The following THTPA variants were observed in gnomAD, a reference collection of about 807,000 sequenced individuals.
THTPA encodes thiamine triphosphatase, also known as thiamine-triphosphatase.
In THTPA, 16 loss-of-function variants were observed where a neutral mutation model predicts 16.5. The ratio of observed to expected loss-of-function variants is 0.97; its 90% CI spans 0.66 to 1.47. The LOEUF is 1.47. Among genes scored for constraint, THTPA ranks in the 40% most tolerant of loss-of-function variants. The pLI is 0.00. For missense variants in THTPA, 281 were observed against 280.9 expected, an observed-to-expected ratio of 1.00 and a Z score of 0.00; for synonymous variants, 110 against 115.5, an observed-to-expected ratio of 0.95 and a Z score of 0.30.
At chr14:23,535,744 C>T in the THTPA span, among the ~76,000 whole-genome samples, 1 of 152,056 alleles carries the variant, frequency 6.6e-6, no homozygotes, top group Non-Finnish European at 1.5e-5. This position sits in a 1 kb window ranked among gnomAD's most constrained non-coding sequence, Gnocchi z 4.5. Context: ...AGGCTTGTGC[C>T]ACCACACCTG....
upstream of THTPA, chr14:23,556,130 C>A (rs1882347215): frequency 6.6e-6 from 1 of 152,560 alleles, no homozygotes; most frequent in African/African-American, 2.4e-5. Flanking sequence ...GGGGTCGCGG[C>A]CTCCCATTAC....
chr14:23,526,015 C>T, the THTPA span: 5 of 1,534,906 alleles, frequency 3.3e-6, 1 homozygote, highest in South Asian at 6.0e-5. Flanking sequence ...TGTCAGGGCC[C>T]TTCTTCTCAG....
chr14:23,522,879 C>T, the THTPA span: 4 of 1,503,714 alleles, frequency 2.7e-6, no homozygotes, highest in South Asian at 1.3e-5. Context: ...GCAGTCTGGA[C>T]CACTGTGGTG....
chr14:23,524,628 C>T, the THTPA span: 11 of 1,536,380 alleles, frequency 7.2e-6, no homozygotes, highest in South Asian at 1.1e-4. This position sits in a 1 kb window ranked among gnomAD's most constrained non-coding sequence, Gnocchi z 5.6. Flanking sequence ...GCACACTGGT[C>T]ACAGGTATGG....
chr14:23,556,833 G>C lies in THTPA; in HGVS notation c.76G>C (p.Gly26Arg), dbSNP rs758679374. 45 of 1,613,216 alleles carry C rather than the reference G, an allele frequency of 2.8e-5. No homozygotes were observed. Among genetic ancestry groups the C allele is most frequent in the Middle Eastern group, 3.3e-4 (2 of 6,080 alleles). The change falls in exon 1 of 2, where the codon GGG becomes CGG. Residue 26 changes from glycine to arginine, a missense_variant. Physicochemically the swap from Gly to Arg is moderately radical, Grantham distance 125. Coordinates refer to ENST00000288014, the MANE Select transcript of THTPA (RefSeq NM_024328.6). ...PGTEERLQEL[G>R]GTLEYRVTFR... ...CACAGAGGAGCGGCTGCAGGAGTTG[G>C]GGGGCACCCTGGAGTACCGGGTCAC...
chr14:23,551,183 C>T (rs1881917113), upstream of THTPA, among the ~76,000 whole-genome samples: 1 of 152,078 alleles, frequency 6.6e-6, no homozygotes, highest in Admixed American at 6.5e-5. The surrounding 1 kb of genome is among the most constrained non-coding windows in gnomAD (Gnocchi z 5.3). Context: ...GTCCTTGTCC[C>T]CTCCCCCAGC....
the THTPA span, among the ~76,000 whole-genome samples, chr14:23,550,717 T>C: frequency 6.6e-6 from 1 of 152,092 alleles, no homozygotes; most frequent in Non-Finnish European, 1.5e-5. Flanking sequence ...CGCTTCACCT[T>C]GAATGGGCTT....
chr14:23,512,895 A>C, the THTPA span: 1 of 112,666 alleles, frequency 8.9e-6, no homozygotes, highest in African/African-American at 3.6e-5. Flanking sequence ...GGAGGAAAAG[A>C]GGGGGGTCTG....
the THTPA span, chr14:23,523,033 C>T: frequency 7.1e-7 from 1 of 1,413,058 alleles, no homozygotes. This position sits in a 1 kb window ranked among gnomAD's most constrained non-coding sequence, Gnocchi z 4.1. Context: ...CACACCCGTT[C>T]CCAGCACCGG....
At position 23,557,061 on chromosome 14, in the gene THTPA, G is replaced by C. The variant is rs113443111; in HGVS notation, c.304G>C (p.Gly102Arg). 6.2e-7 allele frequency: 1 copy of C among 1,614,110 alleles called. No homozygotes were observed. Among genetic ancestry groups the C allele is most frequent in the African/African-American group, 1.3e-5 (1 of 74,932 alleles). ...TAAGGTGCTGCGGGCTGACGGCCTG[G>C]GGGCTGGAGATGTGGCTGCTGTGCT... ...LCKVLRADGL[G>R]AGDVAAVLGP... Residue 102 changes from glycine (G) to arginine (R), a missense_variant, in exon 1 of 2, where the codon GGG (glycine) becomes CGG (arginine). Physicochemically the swap from Gly to Arg is moderately radical, Grantham distance 125. Transcript: ENST00000288014.
chr14:23,517,150 C>A, the THTPA span, among the ~76,000 whole-genome samples: 55 of 152,236 alleles, frequency 3.6e-4, no homozygotes, highest in Non-Finnish European at 6.8e-4. Flanking sequence ...TGACATTTAC[C>A]CCTTGTCTGT....
the THTPA span, among the ~76,000 whole-genome samples, chr14:23,515,229 G>A: frequency 3.9e-5 from 6 of 152,212 alleles, no homozygotes; most frequent in African/African-American, 1.4e-4. Context: ...TGATGGGGTG[G>A]TTTGTACTTA....
At chr14:23,535,275 C>T in the THTPA span, 30 of 1,491,014 alleles carry the variant, frequency 2.0e-5, no homozygotes, top group African/African-American at 1.4e-4. The surrounding 1 kb of genome is among the most constrained non-coding windows in gnomAD (Gnocchi z 4.5). Context: ...GGGCATTGTG[C>T]CCAGGGGAGG....
At chr14:23,534,073 G>A in the THTPA span, 1 of 1,519,028 alleles carries the variant, frequency 6.6e-7, no homozygotes, top group Admixed American at 2.0e-5. This position sits in a 1 kb window ranked among gnomAD's most constrained non-coding sequence, Gnocchi z 4.5. Flanking sequence ...TAGGCGATAG[G>A]GCTGGGGTGG....
chr14:23,512,385 A>G, the THTPA span, among the ~76,000 whole-genome samples: 2 of 151,960 alleles, frequency 1.3e-5, no homozygotes, highest in African/African-American at 2.4e-5. Flanking sequence ...GGAAGGGCAC[A>G]GGGGCCCTGG....
rs1310958769 is a variant in THTPA, at chr14:23,560,239, T to C, written c.*1399T>C. 2 of 1,612,678 alleles carry C rather than the reference T, an allele frequency of 1.2e-6. No homozygotes were observed. The highest frequency in any genetic ancestry group is 1.1e-5 in the South Asian group (1 of 90,986). On this transcript the variant is annotated 3_prime_UTR_variant, in exon 2 of 2. Transcript: ENST00000288014. Reference sequence around the variant, plus strand: ...TGGAGTCCCCAGGCCACCTCTGAACTCTGATCTTTACAAACCTTGGGCACA... The same window carrying C: ...TGGAGTCCCCAGGCCACCTCTGAACCCTGATCTTTACAAACCTTGGGCACA...
chr14:23,524,601 G>A, the THTPA span: 1 of 1,536,150 alleles, frequency 6.5e-7, no homozygotes, highest in Non-Finnish European at 8.7e-7. The surrounding 1 kb of genome is among the most constrained non-coding windows in gnomAD (Gnocchi z 5.6). Context: ...AGGAGGTCCT[G>A]GCTGGAGAAA....
chr14:23,558,092 C>T (rs1187286303), intron 1 of THTPA, among the ~76,000 whole-genome samples: 1 of 152,250 alleles, frequency 6.6e-6, no homozygotes, highest in African/African-American at 2.4e-5. Flanking sequence ...TACAGCCCTG[C>T]AGTGCTGTTT....
At chr14:23,535,153 C>A in the THTPA span, 2 of 1,535,882 alleles carry the variant, frequency 1.3e-6, no homozygotes, top group East Asian at 2.4e-5. The surrounding 1 kb of genome is among the most constrained non-coding windows in gnomAD (Gnocchi z 4.5). Flanking sequence ...CAGGAGCTGT[C>A]CCCCTGGCTC....
Sources: allele counts gnomAD v4.1 joint callset (sites outside exome capture counted in the v4.1 genomes callset), GRCh38; gene constraint gnomAD v4.1.1; non-coding constraint Gnocchi (gnomAD v3.1); transcripts MANE v1.5; gene names NCBI Gene and HGNC (gene_info 2026-07-23, HGNC 2026-07-21).